Variants in ANK2 observed in about 807,000 individuals in gnomAD.
ANK2 encodes the protein ankyrin-2.
In ANK2, 83 loss-of-function variants were observed where a neutral mutation model predicts 360.5. That is an observed-to-expected ratio of 0.23 (90% CI 0.19 to 0.28). ANK2 has a LOEUF of 0.28. ANK2 is among the 10% of genes least tolerant of loss of function. The probability of loss-of-function intolerance (pLI) is 1.00; values close to 1 mark genes in which losing one functional copy is unlikely to be tolerated. For missense variants in ANK2, 4,201 were observed against 4,795.7 expected, an observed-to-expected ratio of 0.88 and a Z score of 3.66; for synonymous variants, 1,740 against 1,759.5, an observed-to-expected ratio of 0.99 and a Z score of 0.28.
intron 2 of ANK2, among the ~76,000 whole-genome samples, chr4:112,919,425 T>C (rs1036530154): frequency 5.3e-5 from 8 of 152,164 alleles, no homozygotes; most frequent in Non-Finnish European, 1.2e-4. Context: ...TTAGTGTCGG[T>C]TGAAGTCCAA....
chr4:113,333,246 T>G, intron 29 of ANK2, 38 bp downstream of exon 29: 2 of 1,612,174 alleles, frequency 1.2e-6, no homozygotes, highest in Non-Finnish European at 1.7e-6. Flanking sequence ...AAATCTAAAC[T>G]GGAAGCATGA....
chr4:113,158,297 A>G (rs967631247), intron 1 of ANK2, among the ~76,000 whole-genome samples: 3 of 152,216 alleles, frequency 2.0e-5, no homozygotes, highest in Non-Finnish European at 2.9e-5. Context: ...ATCTTAAGAC[A>G]TAGTGAACAT....
At position 113,365,051 on chromosome 4, in the gene ANK2, T is replaced by C. The variant is rs66785829; in HGVS notation, c.10901T>C (p.Val3634Ala). The change falls in exon 41 of 46, where the codon GTT (valine) becomes GCT (alanine). Residue 3634 changes from valine (V) to alanine (A), a missense_variant. Val to Ala is a moderately conservative substitution (Grantham distance 64). This residue lies in a region of ANK2 where 2,642 missense variants were observed against 2,714.5 expected (regional missense o/e 0.97). Transcript: ENST00000357077. ...DGKHATDTNL[V>A]ECLTKINRMD... The stretch of plus-strand genomic sequence containing the variant: ...TCTAATGTGTCAGATACCAACCTCG[T>C]TGAATGTCTCACCAAGATCAACCGA... 16 of 1,613,738 alleles carry C rather than the reference T, an allele frequency of 9.9e-6. No individual in the cohort carries two copies. Among genetic ancestry groups the C allele is most frequent in the Non-Finnish European group, 1.4e-5 (16 of 1,179,822 alleles).
intron 38 of ANK2, 79 bp from the exon 39 acceptor site, chr4:113,360,744 T>G: frequency 7.8e-7 from 1 of 1,277,568 alleles, no homozygotes; most frequent in Non-Finnish European, 1.1e-6. Flanking sequence ...AGTGACTTCC[T>G]TTCTTTGAAT....
chr4:113,275,425 C>G (rs994319633), intron 15 of ANK2, among the ~76,000 whole-genome samples: 1 of 152,040 alleles, frequency 6.6e-6, no homozygotes, highest in Non-Finnish European at 1.5e-5. Flanking sequence ...AAAATAATTC[C>G]CACAAATGTA....
At chr4:113,264,484 G>A (rs780318752) in intron 13 of ANK2, among the ~76,000 whole-genome samples, 13 of 151,944 alleles carry the variant, frequency 8.6e-5, no homozygotes, top group Admixed American at 7.2e-4. Context: ...CTGGATGTTC[G>A]GATAAATTTA....
chr4:112,935,670 C>T (rs1581463936), intron 2 of ANK2, among the ~76,000 whole-genome samples: 1 of 152,082 alleles, frequency 6.6e-6, no homozygotes, highest in Non-Finnish European at 1.5e-5. Context: ...GGCAAAACCC[C>T]GTCTTTATAA....
chr4:113,282,367 G>A (rs2062748981), intron 17 of ANK2, among the ~76,000 whole-genome samples: 1 of 152,214 alleles, frequency 6.6e-6, no homozygotes, highest in Admixed American at 6.5e-5. Context: ...GGATGGTCAT[G>A]TAGAAGAGGA....
At chr4:112,790,346 G>A in the ANK2 span, among the ~76,000 whole-genome samples, 1 of 152,158 alleles carries the variant, frequency 6.6e-6, no homozygotes, top group East Asian at 1.9e-4. Context: ...TTGTCTTCAT[G>A]AAATATCAGG....
At chr4:113,021,578 A>ATATG (rs2058195828) in intron 2 of ANK2, among the ~76,000 whole-genome samples, 4 of 137,184 alleles carry the variant, frequency 2.9e-5, no homozygotes, top group Non-Finnish European at 6.3e-5. Context: ...ATATATATAT[A>ATATG]TGCCAAGGAG....
chr4:112,786,175 T>C, the ANK2 span, among the ~76,000 whole-genome samples: 3 of 151,798 alleles, frequency 2.0e-5, no homozygotes, highest in Non-Finnish European at 2.9e-5. Context: ...TTTTATAATG[T>C]TGACCAAAAC....
intron 22 of ANK2, 142 bp from the exon 23 acceptor site, chr4:113,302,625 C>A: frequency 1.5e-6 from 1 of 671,574 alleles, no homozygotes; most frequent in Non-Finnish European, 2.6e-6. Context: ...AGCAAATTTC[C>A]AAAATATACA....
intron 45 of ANK2, chr4:113,378,235 C>A: frequency 1.1e-6 from 1 of 908,170 alleles, no homozygotes. Context: ...AAAATTTTTC[C>A]AATTTTAAGA....
intron 1 of ANK2, among the ~76,000 whole-genome samples, chr4:113,069,057 T>TGAAAA (rs377135339): frequency 4.0e-5 from 6 of 150,302 alleles, no homozygotes; most frequent in South Asian, 2.1e-4. Context: ...CCCTGTCTAA[T>TGAAAA]GAAAAGAAAA....
intron 2 of ANK2, among the ~76,000 whole-genome samples, chr4:113,183,531 G>A (rs2098457187): frequency 6.6e-6 from 1 of 152,152 alleles, no homozygotes; most frequent in Non-Finnish European, 1.5e-5. Context: ...TAACGATAAA[G>A]ACTATGCATA....
intron 26 of ANK2, among the ~76,000 whole-genome samples, chr4:113,324,451 G>A (rs1301633891): frequency 6.6e-6 from 1 of 152,002 alleles, no homozygotes; most frequent in Non-Finnish European, 1.5e-5. Flanking sequence ...ATCCATTATG[G>A]TACTACAAAT....
At chr4:112,743,809 T>C in the ANK2 span, among the ~76,000 whole-genome samples, 1 of 151,834 alleles carries the variant, frequency 6.6e-6, no homozygotes, top group East Asian at 1.9e-4. Flanking sequence ...CCTCCCAAAG[T>C]GCTGGGATTA....
At chr4:112,783,871 G>T in the ANK2 span, among the ~76,000 whole-genome samples, 1 of 151,848 alleles carries the variant, frequency 6.6e-6, no homozygotes. Context: ...GGATGGTCTC[G>T]ATCTCCTGAC....
intron 2 of ANK2, among the ~76,000 whole-genome samples, chr4:113,025,566 ACTTT>A (rs2059110768): frequency 6.6e-6 from 1 of 152,188 alleles, no homozygotes; most frequent in Non-Finnish European, 1.5e-5. Flanking sequence ...ATCTCTTGAC[ACTTT>A]CTAAGGCTTC....
Sources: gnomAD v4.1 joint callset for allele counts (sites outside exome capture counted in the v4.1 genomes callset) on GRCh38, gnomAD v4.1.1 for gene constraint, gnomAD v4.1.1 regional missense constraint, MANE v1.5 for transcripts, NCBI Gene and HGNC (gene_info 2026-07-23, HGNC 2026-07-21) for gene names.